The following SIPA1L2 variants were observed in gnomAD, a reference collection of about 807,000 sequenced individuals.
SIPA1L2 encodes the protein signal-induced proliferation-associated 1-like protein 2.
SIPA1L2 carries 56 observed loss-of-function variants against 163.9 expected under a neutral mutation model. That is an observed-to-expected ratio of 0.34 (90% confidence interval 0.28 to 0.43). The LOEUF is 0.43. Among genes scored for constraint, SIPA1L2 ranks in the 20% least tolerant of loss-of-function variants. SIPA1L2 has a pLI of 1.00. For synonymous variants in SIPA1L2, 877 were observed against 865.7 expected, an observed-to-expected ratio of 1.01 and a Z score of -0.23; for missense variants, 1,974 against 2,193.5, an observed-to-expected ratio of 0.90 and a Z score of 2.00.
chr1:232,579,169 A>T (rs1008711671), intron 1 of SIPA1L2, among the ~76,000 whole-genome samples: 6 of 152,240 alleles, frequency 3.9e-5, no homozygotes, highest in Admixed American at 3.9e-4. Flanking sequence ...CGCAAAAGAA[A>T]GTTCTGAGAA....
intron 6 of SIPA1L2, among the ~76,000 whole-genome samples, chr1:232,482,882 G>C (rs893507881): frequency 2.6e-5 from 4 of 152,154 alleles, no homozygotes; most frequent in African/African-American, 9.7e-5. Flanking sequence ...CATTCCTACT[G>C]GGAGTTGGGG....
chr1:232,604,143 C>A (rs184216766), intron 1 of SIPA1L2, among the ~76,000 whole-genome samples: 1 of 152,110 alleles, frequency 6.6e-6, no homozygotes, highest in Non-Finnish European at 1.5e-5. Context: ...GATTCCAGCA[C>A]GTGGTAAAGC....
At chr1:232,451,563 G>A (rs1381009855) in intron 10 of SIPA1L2, among the ~76,000 whole-genome samples, 3 of 152,146 alleles carry the variant, frequency 2.0e-5, no homozygotes, top group Non-Finnish European at 2.9e-5. Flanking sequence ...GTGTGTAACT[G>A]CAACATTTTT....
At chr1:232,414,686 A>G (rs1294868011) in intron 19 of SIPA1L2, among the ~76,000 whole-genome samples, 1 of 152,160 alleles carries the variant, frequency 6.6e-6, no homozygotes, top group Non-Finnish European at 1.5e-5. Context: ...TGTCAGTCCT[A>G]GCTGCCAGGT....
intron 2 of SIPA1L2, among the ~76,000 whole-genome samples, chr1:232,560,784 G>T (rs1056709568): frequency 1.3e-5 from 2 of 152,202 alleles, no homozygotes; most frequent in Non-Finnish European, 2.9e-5. Flanking sequence ...ACAGAATCAT[G>T]AGAGGTATCA....
At chr1:232,442,409 G>A (rs1368619398) in intron 12 of SIPA1L2, among the ~76,000 whole-genome samples, 5 of 151,714 alleles carry the variant, frequency 3.3e-5, no homozygotes, top group Non-Finnish European at 5.9e-5. Flanking sequence ...TTAGCCAGGC[G>A]TGGTGGCGAG....
At chr1:232,496,944 C>A (rs917452400) in intron 3 of SIPA1L2, among the ~76,000 whole-genome samples, 6 of 152,100 alleles carry the variant, frequency 3.9e-5, no homozygotes, top group African/African-American at 1.4e-4. Flanking sequence ...ATTTGATGAG[C>A]CCCATAACAA....
At position 232,403,520 on chromosome 1, in the gene SIPA1L2, T is replaced by C. The variant is rs544004568; in HGVS notation, c.4868A>G (p.Asp1623Gly). The C allele has an allele frequency of 6.1e-5, 98 of 1,614,090 alleles. 1 individual carries two copies. In the South Asian group the frequency reaches 1.0e-3, roughly 17 times the overall value. ...CTLTDMQHGQ[D>G]LEGAQELPLC... Reference sequence around the variant, plus strand: ...GGGCAGCTCTTGGGCCCCTTCCAGGTCCTGCCCATGCTGCATATCTGTCAG... The same window carrying C: ...GGGCAGCTCTTGGGCCCCTTCCAGGCCCTGCCCATGCTGCATATCTGTCAG... Residue 1623 changes from aspartate (D) to glycine (G), a missense_variant, in exon 21 of 23, where the codon GAC (aspartate) becomes GGC (glycine). Physicochemically the swap from Asp to Gly is moderately conservative, Grantham distance 94 (BLOSUM62 -1). Around this residue, in one of 3 missense-constraint regions of SIPA1L2, gnomAD observed 1,079 missense variants for 1,150.7 expected, o/e 0.94. Transcript: ENST00000674635.
intron 1 of SIPA1L2, among the ~76,000 whole-genome samples, chr1:232,614,541 G>A (rs909928065): frequency 1.3e-5 from 2 of 152,196 alleles, no homozygotes; most frequent in South Asian, 2.1e-4. Flanking sequence ...CTGCTTAGCC[G>A]CAGCTACTGC....
At chr1:232,499,233 A>C (rs1191176026) in intron 3 of SIPA1L2, among the ~76,000 whole-genome samples, 1 of 152,260 alleles carries the variant, frequency 6.6e-6, no homozygotes, top group African/African-American at 2.4e-5. Context: ...GATTACGCTT[A>C]GTGAGGAAGG....
chr1:232,569,902 A>C (rs1659620861), intron 2 of SIPA1L2, among the ~76,000 whole-genome samples: 1 of 152,240 alleles, frequency 6.6e-6, no homozygotes, highest in Non-Finnish European at 1.5e-5. Context: ...ACTGACCATA[A>C]AATAAAAAAG....
intron 1 of SIPA1L2, among the ~76,000 whole-genome samples, chr1:232,602,216 A>G (rs1484199831): frequency 2.6e-5 from 4 of 152,200 alleles, no homozygotes; most frequent in Admixed American, 2.0e-4. Flanking sequence ...GAGGGGCAGG[A>G]GCCTCTGAGT....
chr1:232,539,003 G>C (rs1334036147), intron 2 of SIPA1L2, among the ~76,000 whole-genome samples: 1 of 152,196 alleles, frequency 6.6e-6, no homozygotes, highest in South Asian at 2.1e-4. Flanking sequence ...TCTTAATCCT[G>C]TTTTGATTGC....
At chr1:232,572,716 T>TAC (rs1181995038) in intron 2 of SIPA1L2, among the ~76,000 whole-genome samples, 107 of 72,326 alleles carry the variant, frequency 1.5e-3, no homozygotes, top group South Asian at 0.012. Flanking sequence ...TATATATATA[T>TAC]ACACACATAT....
chr1:232,405,707 G>T (rs1371453939), intron 19 of SIPA1L2, among the ~76,000 whole-genome samples: 2 of 152,172 alleles, frequency 1.3e-5, no homozygotes, highest in Non-Finnish European at 2.9e-5. Context: ...GAATGGAAAA[G>T]AAAATGGATA....
chr1:232,503,259 G>A (rs1245610253), intron 3 of SIPA1L2, among the ~76,000 whole-genome samples: 2 of 152,164 alleles, frequency 1.3e-5, no homozygotes, highest in Non-Finnish European at 2.9e-5. Context: ...CGCAGTGCAG[G>A]AAATGAAGAT....
chr1:232,611,416 A>G (rs1662229543), intron 1 of SIPA1L2, among the ~76,000 whole-genome samples: 1 of 152,128 alleles, frequency 6.6e-6, no homozygotes, highest in African/African-American at 2.4e-5. Context: ...CAGAAGAGAG[A>G]AAAATGTGGG....
At chr1:232,429,202 A>C (rs1180602522) in intron 16 of SIPA1L2, among the ~76,000 whole-genome samples, 1 of 152,218 alleles carries the variant, frequency 6.6e-6, no homozygotes, top group East Asian at 1.9e-4. Context: ...AATCATTCTA[A>C]AAAGGTTTAC....
At chr1:232,607,974 G>C (rs1048489743) in intron 1 of SIPA1L2, among the ~76,000 whole-genome samples, 4 of 145,876 alleles carry the variant, frequency 2.7e-5, no homozygotes, top group Non-Finnish European at 6.0e-5. Context: ...AAAATCACTC[G>C]AACTGGGGAG....
Sources: gnomAD v4.1 joint callset for allele counts (sites outside exome capture counted in the v4.1 genomes callset) on GRCh38, gnomAD v4.1.1 for gene constraint, gnomAD v4.1.1 regional missense constraint, MANE v1.5 for transcripts, NCBI Gene and HGNC (gene_info 2026-07-23, HGNC 2026-07-21) for gene names.